SCAPER: variants seen among roughly 807,000 people sequenced by gnomAD.
SCAPER encodes S-phase cyclin A associated protein in the ER.
SCAPER carries 98 observed loss-of-function variants against 182.2 expected under a neutral mutation model. The ratio of observed to expected loss-of-function variants is 0.54; its 90% CI spans 0.46 to 0.64. The LOEUF (loss-of-function observed/expected upper bound fraction) is 0.64, where lower values mean the gene tolerates loss of function less well. Ranked by LOEUF, SCAPER falls within the 30% of genes least tolerant of loss-of-function variation. The pLI, the probability that SCAPER is intolerant of heterozygous loss-of-function variation, is 0.00. For synonymous variants in SCAPER, 605 were observed against 564.6 expected, an observed-to-expected ratio of 1.07 and a Z score of -1.01; for missense variants, 1,432 against 1,690.0, an observed-to-expected ratio of 0.85 and a Z score of 2.68.
At position 76,429,626 on chromosome 15, in the gene SCAPER, T is replaced by C. The variant is rs113166656; in HGVS notation, c.3311+4452A>G. Among the ~76,000 whole-genome samples, 347 of 152,156 alleles carry C rather than the reference T, an allele frequency of 2.3e-3. 4 individuals carry two copies. The highest frequency in any genetic ancestry group is 7.7e-3 in the African/African-American group (319 of 41,522). Reference sequence around the variant, plus strand: ...TGTGGAAATTTCAGCTTGAGGGAGATGATTTAGGGTATCTGGCAGAAGAAA... The same window carrying C: ...TGTGGAAATTTCAGCTTGAGGGAGACGATTTAGGGTATCTGGCAGAAGAAA... On this transcript the variant is annotated intron_variant, in intron 26 of 31. Transcript: ENST00000563290.
At chr15:76,561,228 A>G (rs2046592617) in intron 23 of SCAPER, among the ~76,000 whole-genome samples, 1 of 152,154 alleles carries the variant, frequency 6.6e-6, no homozygotes, top group African/African-American at 2.4e-5. Flanking sequence ...AAATAACATC[A>G]CTCAATGTCA....
intron 14 of SCAPER, among the ~76,000 whole-genome samples, chr15:76,761,665 T>A (rs564011428): frequency 1.3e-5 from 2 of 152,220 alleles, no homozygotes; most frequent in Non-Finnish European, 1.5e-5. Flanking sequence ...ATGATTTCCA[T>A]CTTCTTAAAT....
intron 15 of SCAPER, among the ~76,000 whole-genome samples, chr15:76,739,175 C>A (rs1041524397): frequency 6.6e-6 from 1 of 152,116 alleles, no homozygotes; most frequent in African/African-American, 2.4e-5. Context: ...TTTGAGCAAC[C>A]ATCAATTTTT....
chr15:76,692,052 A>G (rs2058390412), intron 20 of SCAPER, among the ~76,000 whole-genome samples: 1 of 152,204 alleles, frequency 6.6e-6, no homozygotes, highest in Admixed American at 6.5e-5. Flanking sequence ...TTTCCATAGT[A>G]AAAGGCTGGA....
chr15:76,460,994 G>A (rs1422919213), intron 25 of SCAPER, among the ~76,000 whole-genome samples: 1 of 151,940 alleles, frequency 6.6e-6, no homozygotes, highest in Non-Finnish European at 1.5e-5. Context: ...ATTCTTTTTT[G>A]CAGTCCAGGA....
chr15:76,546,094 T>C (rs2144839159), intron 23 of SCAPER, among the ~76,000 whole-genome samples: 1 of 151,904 alleles, frequency 6.6e-6, no homozygotes, highest in Admixed American at 6.6e-5. Context: ...AGGCCTAGAG[T>C]AAAATTTCAA....
chr15:76,802,077 A>T (rs4886830), intron 6 of SCAPER, among the ~76,000 whole-genome samples: 58,120 of 151,390 alleles, frequency 0.38, 13,014 homozygotes, highest in Middle Eastern at 0.53. Context: ...AAAAAAAAAA[A>T]TTTTTTTTTA....
In SCAPER at chr15:76,799,140, T is replaced by C. The variant is rs1010741005; in HGVS notation, c.611+1108A>G. On this transcript the variant is annotated intron_variant, in intron 7 of 31. Coordinates refer to ENST00000563290, the MANE Select transcript of SCAPER (RefSeq NM_020843.4). ...TATGACAATAACACAATGTATGATATGTATTAATATACAGATCTATTGCAA... is the reference window on the plus strand; with the variant it reads ...TATGACAATAACACAATGTATGATACGTATTAATATACAGATCTATTGCAA... Among the ~76,000 whole-genome samples, 7 of 152,342 alleles carry C rather than the reference T, an allele frequency of 4.6e-5. No individual in the cohort carries two copies. In the East Asian group the frequency reaches 9.7e-4, roughly 21 times the overall value.
At chr15:76,891,649 G>A (rs1238915354) in intron 1 of SCAPER, among the ~76,000 whole-genome samples, 2 of 151,986 alleles carry the variant, frequency 1.3e-5, no homozygotes. Context: ...AAACCACTAC[G>A]CAACAAAATA....
chr15:76,381,678 G>T, intron 27 of SCAPER, 63 bp from the exon 28 acceptor site: 1 of 1,289,548 alleles, frequency 7.8e-7, no homozygotes, highest in Non-Finnish European at 1.1e-6. Flanking sequence ...AATTTGTATA[G>T]GTTAAATGAA....
Position 76,779,764 on chromosome 15 carries a change from T to C in SCAPER, c.773-4647A>G, listed in dbSNP as rs1391707257. Reference sequence around the variant, plus strand: ...AAATTAAATGACTTACCAAAATCTCTCATGAACTGAGACGCAAACATTTTC... The same window carrying C: ...AAATTAAATGACTTACCAAAATCTCCCATGAACTGAGACGCAAACATTTTC... On this transcript the variant is annotated intron_variant, in intron 8 of 31. Transcript: ENST00000563290. 4.6e-5 allele frequency among the ~76,000 whole-genome samples: 7 copies of C among 152,046 alleles called. No homozygotes were observed. The East Asian group carries it at 1.4e-3, about 29-fold the overall frequency.
intron 5 of SCAPER, among the ~76,000 whole-genome samples, chr15:76,833,675 T>C (rs1336094008): frequency 1.3e-5 from 2 of 152,110 alleles, no homozygotes; most frequent in Non-Finnish European, 2.9e-5. Flanking sequence ...GAAAGATTTA[T>C]CAAGCAAACA....
chr15:76,896,752 G>A (rs1053977242), intron 1 of SCAPER, among the ~76,000 whole-genome samples: 4 of 152,018 alleles, frequency 2.6e-5, no homozygotes, highest in Non-Finnish European at 5.9e-5. Flanking sequence ...TGGAGAATAT[G>A]CCAAAATACA....
chr15:76,481,454 T>C (rs1275447308), intron 24 of SCAPER, among the ~76,000 whole-genome samples: 1 of 152,158 alleles, frequency 6.6e-6, no homozygotes, highest in Non-Finnish European at 1.5e-5. Context: ...CAGGCAACAA[T>C]GAAAAAAATT....
intron 15 of SCAPER, among the ~76,000 whole-genome samples, chr15:76,742,413 G>T (rs939039848): frequency 4.4e-5 from 5 of 112,464 alleles, no homozygotes; most frequent in African/African-American, 1.3e-4. Flanking sequence ...GAGCAGCAAA[G>T]GGGACAAAAA....
At chr15:76,512,076 C>T (rs541435492) in intron 23 of SCAPER, among the ~76,000 whole-genome samples, 15 of 151,110 alleles carry the variant, frequency 9.9e-5, no homozygotes, top group Admixed American at 3.3e-4. Flanking sequence ...TTAGTAGAGA[C>T]GGGGTTTCAC....
intron 15 of SCAPER, among the ~76,000 whole-genome samples, chr15:76,744,666 G>A (rs2061703098): frequency 6.6e-6 from 1 of 152,210 alleles, no homozygotes; most frequent in African/African-American, 2.4e-5. Flanking sequence ...AAAAGGGAAC[G>A]CTTATACACT....
intron 22 of SCAPER, among the ~76,000 whole-genome samples, chr15:76,589,065 TCTGCACAGATATCTCTAATGTGAA>T (rs898900583): frequency 3.3e-5 from 5 of 152,084 alleles, no homozygotes; most frequent in Non-Finnish European, 5.9e-5. Flanking sequence ...CTGGGGGGTA[TCTGCACAGATATCTCTAATGTGAA>T]CTGTCTTCAG....
At chr15:76,396,488 T>C (rs145945883) in intron 27 of SCAPER, among the ~76,000 whole-genome samples, 101 of 152,330 alleles carry the variant, frequency 6.6e-4, no homozygotes, top group African/African-American at 2.2e-3. Flanking sequence ...TTATGTCTTC[T>C]TTAATTTCTT....
Sources: allele counts gnomAD v4.1 joint callset (sites outside exome capture counted in the v4.1 genomes callset), GRCh38; gene constraint gnomAD v4.1.1; transcripts MANE v1.5; gene names NCBI Gene and HGNC (gene_info 2026-07-23, HGNC 2026-07-21).